Variants in ZNF334 observed in about 807,000 individuals in gnomAD.
ZNF334 encodes the protein zinc finger protein 334.
In ZNF334, 14 loss-of-function variants were observed where a neutral mutation model predicts 12.4. The observed-to-expected ratio is 1.13, with a 90% CI of 0.74 to 1.76. The LOEUF is 1.76. Among genes scored for constraint, ZNF334 ranks in the 40% most tolerant of loss-of-function variants. The pLI is 0.00. For missense variants in ZNF334, 797 were observed against 804.5 expected (o/e 0.99, Z 0.11); for synonymous variants, 273 against 269.6 (o/e 1.01, Z -0.12).
rs545088718 is a variant in ZNF334, at chr20:46,502,130, T to C, written c.1209A>G (p.Lys403=). 6.2e-7 allele frequency: 1 copy of C among 1,613,998 alleles called. No individual in the cohort carries two copies. The highest frequency in any genetic ancestry group is 8.5e-7 in the Non-Finnish European group (1 of 1,179,980). Residue 403 remains lysine (K), a synonymous_variant, in exon 5 of 5, where the codon AAA becomes AAG. Transcript: ENST00000692313. ...TAHQRIHTGE[K]PYECSECEKT... ...TCTCACATTCACTACATTCATAGGGTTTTTCCCCTGTGTGAATTCTCTGAT... is the reference window on the plus strand; with the variant it reads ...TCTCACATTCACTACATTCATAGGGCTTTTCCCCTGTGTGAATTCTCTGAT...
downstream of ZNF334, among the ~76,000 whole-genome samples, chr20:46,499,216 G>A (rs1220132884): frequency 7.0e-6 from 1 of 142,416 alleles, no homozygotes; most frequent in Non-Finnish European, 1.5e-5. Flanking sequence ...GCCATGTGAA[G>A]TTATGCTGCC....
intron 2 of ZNF334, among the ~76,000 whole-genome samples, chr20:46,510,716 C>T (rs1000211095): frequency 3.4e-5 from 5 of 147,750 alleles, no homozygotes; most frequent in Non-Finnish European, 7.4e-5. Context: ...TGAGATCGTG[C>T]CACTGCACTC....
chr20:46,489,771 C>T, the ZNF334 span, among the ~76,000 whole-genome samples: 3 of 151,846 alleles, frequency 2.0e-5, no homozygotes, highest in African/African-American at 7.3e-5. Context: ...GAAAATATTA[C>T]TCATGTATAT....
the ZNF334 span, among the ~76,000 whole-genome samples, chr20:46,468,832 G>A: frequency 6.6e-6 from 1 of 152,034 alleles, no homozygotes; most frequent in Non-Finnish European, 1.5e-5. Context: ...CTCTGGAGTC[G>A]AATCTCACCT....
At chr20:46,486,636 T>C in the ZNF334 span, among the ~76,000 whole-genome samples, 1 of 152,270 alleles carries the variant, frequency 6.6e-6, no homozygotes, top group East Asian at 1.9e-4. Flanking sequence ...ATCCTAAATC[T>C]CTACAATTCC....
the ZNF334 span, among the ~76,000 whole-genome samples, chr20:46,487,013 T>A: frequency 6.6e-6 from 1 of 152,168 alleles, no homozygotes; most frequent in African/African-American, 2.4e-5. Context: ...TTTCATGTTA[T>A]ATATAAGGTA....
At chr20:46,464,621 G>T in the ZNF334 span, 2 of 417,480 alleles carry the variant, frequency 4.8e-6, no homozygotes, top group South Asian at 3.9e-5. Flanking sequence ...ATGATCACAT[G>T]ACTCTCTGTG....
chr20:46,507,961 A>G (rs938484558), intron 2 of ZNF334, among the ~76,000 whole-genome samples: 4 of 152,220 alleles, frequency 2.6e-5, no homozygotes, highest in Non-Finnish European at 5.9e-5. Context: ...CAAAAATATT[A>G]GAAACAAAAC....
the ZNF334 span, chr20:46,464,683 C>A: frequency 2.4e-5 from 10 of 424,606 alleles, no homozygotes; most frequent in Non-Finnish European, 4.0e-5. Flanking sequence ...AGCCTAGGGG[C>A]AAAGCAGCTT....
chr20:46,491,619 C>G, the ZNF334 span: 1 of 152,458 alleles, frequency 6.6e-6, no homozygotes, highest in Non-Finnish European at 1.5e-5. Flanking sequence ...ACGGATCTTG[C>G]TCGCCACCAA....
chr20:46,474,153 T>C, the ZNF334 span, among the ~76,000 whole-genome samples: 1 of 152,120 alleles, frequency 6.6e-6, no homozygotes, highest in African/African-American at 2.4e-5. Context: ...GGTGGGTGGA[T>C]CACGAGGTCA....
Position 46,502,710 on chromosome 20 carries a change from T to G in ZNF334, c.629A>C (p.Asp210Ala). ...QNIQILKQPF[D>A]YNKCGKTFFK... ...GAAGGTTTTCCCACATTTATTATAG[T>G]CAAACGGTTGTTTCAAAATCTGAAT... The change falls in exon 5 of 5, where the codon GAC becomes GCC. Residue 210 changes from aspartate (D) to alanine (A), a missense_variant. Physicochemically the swap from Asp to Ala is moderately radical, Grantham distance 126. Coordinates refer to ENST00000692313, the MANE Select transcript of ZNF334 (RefSeq NM_001353824.2). 1 of 1,613,500 alleles carries G rather than the reference T, an allele frequency of 6.2e-7. No homozygotes were observed. The highest frequency in any genetic ancestry group is 8.5e-7 in the Non-Finnish European group (1 of 1,179,988).
chr20:46,463,999 A>T, the ZNF334 span: 1 of 628,828 alleles, frequency 1.6e-6, no homozygotes, highest in Non-Finnish European at 3.1e-6. Flanking sequence ...CATAAGCAAC[A>T]TCTCACCCAG....
chr20:46,464,575 G>A, the ZNF334 span: 1 of 413,970 alleles, frequency 2.4e-6, no homozygotes, highest in Non-Finnish European at 4.8e-6. Context: ...TGTGGTCTCT[G>A]GGCAGCATCC....
chr20:46,481,852 C>T, the ZNF334 span, among the ~76,000 whole-genome samples: 1 of 152,158 alleles, frequency 6.6e-6, no homozygotes, highest in East Asian at 1.9e-4. Flanking sequence ...CAATCTCCCC[C>T]ACCCATTGCA....
the ZNF334 span, among the ~76,000 whole-genome samples, chr20:46,471,825 T>G: frequency 3.7e-4 from 57 of 152,350 alleles, no homozygotes; most frequent in African/African-American, 1.3e-3. Flanking sequence ...ACTTAATTAC[T>G]GTAATTTTAA....
the ZNF334 span, among the ~76,000 whole-genome samples, chr20:46,480,074 T>C: frequency 6.6e-6 from 1 of 152,194 alleles, no homozygotes; most frequent in Non-Finnish European, 1.5e-5. Context: ...AAAACCAAAC[T>C]GTAATCTGAC....
chr20:46,463,799 C>G, the ZNF334 span: 1 of 290,242 alleles, frequency 3.4e-6, no homozygotes. Flanking sequence ...GTTGATAGGC[C>G]TGCCTAGGAG....
chr20:46,465,144 C>T, the ZNF334 span: 5 of 219,266 alleles, frequency 2.3e-5, no homozygotes, highest in Non-Finnish European at 3.6e-5. Flanking sequence ...GTTGCTGCAG[C>T]TACTGCCACT....
Sources: gnomAD v4.1 joint callset for allele counts (sites outside exome capture counted in the v4.1 genomes callset) on GRCh38, gnomAD v4.1.1 for gene constraint, MANE v1.5 for transcripts, NCBI Gene and HGNC (gene_info 2026-07-23, HGNC 2026-07-21) for gene names.